The following EDIL3 variants were observed in gnomAD, a reference collection of about 807,000 sequenced individuals.
EDIL3 encodes EGF-like repeat and discoidin I-like domain-containing protein 3.
In EDIL3, 37 loss-of-function variants were observed where a neutral mutation model predicts 67.4. The ratio of observed to expected loss-of-function variants is 0.55; its 90% CI spans 0.42 to 0.72. The LOEUF (loss-of-function observed/expected upper bound fraction) is 0.72. Ranked by LOEUF, EDIL3 falls within the 30% of genes least tolerant of loss-of-function variation. The pLI, the probability that EDIL3 is intolerant of heterozygous loss-of-function variation, is 0.00. For missense variants in EDIL3, 527 were observed against 586.3 expected (o/e 0.90, Z 1.04); for synonymous variants, 195 against 196.3 (o/e 0.99, Z 0.05).
chr5:83,940,864 G>T lies in EDIL3; in HGVS notation c.*2555C>A, dbSNP rs1350969812. On this transcript the variant is annotated 3_prime_UTR_variant, in exon 11 of 11. Transcript: ENST00000296591. ...CAAAATTCACACCAAACTTTATGAAGTCATTCAGAAAGAGAAAGTCAATCC... is the reference window on the plus strand; with the variant it reads ...CAAAATTCACACCAAACTTTATGAATTCATTCAGAAAGAGAAAGTCAATCC... 6.6e-6 allele frequency: 1 copy of T among 151,930 alleles called. No individual in the cohort carries two copies. The highest frequency in any genetic ancestry group is 1.5e-5 in the Non-Finnish European group (1 of 67,882). 9.4% of individuals were successfully genotyped at this position (151,930 alleles called of 1,614,324 possible). A position where few individuals can be genotyped will look rare whatever the true frequency, so the allele number is the denominator to read the frequency against.
At chr5:84,159,195 AG>A (rs1307117483) in intron 4 of EDIL3, among the ~76,000 whole-genome samples, 4 of 152,102 alleles carry the variant, frequency 2.6e-5, no homozygotes, top group Admixed American at 2.0e-4. Context: ...AAAAGTTAAA[AG>A]GCAATATCTA....
chr5:84,201,867 G>A (rs1289539625), intron 3 of EDIL3, among the ~76,000 whole-genome samples: 2 of 152,108 alleles, frequency 1.3e-5, no homozygotes. Flanking sequence ...AAAAGAGAGA[G>A]TGCACTTCAT....
chr5:84,180,300 A>C (rs1748992137), intron 4 of EDIL3, 93 bp downstream of exon 4: 1 of 1,393,242 alleles, frequency 7.2e-7, no homozygotes, highest in Non-Finnish European at 9.5e-7. Context: ...TTCTGCTCTC[A>C]GATTCTATGA....
chr5:83,968,273 T>A (rs940595648), intron 9 of EDIL3, among the ~76,000 whole-genome samples: 9 of 152,092 alleles, frequency 5.9e-5, no homozygotes, highest in African/African-American at 2.2e-4. Context: ...CTAGTTCTGA[T>A]CTAAAGTTTG....
chr5:84,245,266 A>C (rs1744886125), intron 2 of EDIL3, among the ~76,000 whole-genome samples: 1 of 152,192 alleles, frequency 6.6e-6, no homozygotes, highest in Non-Finnish European at 1.5e-5. Context: ...TTATTTAAAA[A>C]ATATATTTGA....
chr5:84,081,601 A>T (rs1746969017), intron 6 of EDIL3, among the ~76,000 whole-genome samples: 1 of 152,138 alleles, frequency 6.6e-6, no homozygotes, highest in African/African-American at 2.4e-5. Flanking sequence ...TGTGCTATGA[A>T]GGGGAGAGGG....
At chr5:84,309,655 C>T (rs1008609309) in intron 1 of EDIL3, among the ~76,000 whole-genome samples, 1 of 152,098 alleles carries the variant, frequency 6.6e-6, no homozygotes, top group Non-Finnish European at 1.5e-5. Flanking sequence ...CATCCATGTC[C>T]CTACAAAGGA....
intron 1 of EDIL3, among the ~76,000 whole-genome samples, chr5:84,290,295 T>C (rs1224840658): frequency 4.6e-5 from 7 of 152,264 alleles, no homozygotes; most frequent in East Asian, 1.9e-4. Context: ...CTGAGAGCTC[T>C]TTTACAACCA....
intron 5 of EDIL3, among the ~76,000 whole-genome samples, chr5:84,134,913 T>C (rs1475846207): frequency 6.6e-6 from 1 of 152,174 alleles, no homozygotes; most frequent in Non-Finnish European, 1.5e-5. Flanking sequence ...AATTTAAATA[T>C]AAATGTTGTA....
chr5:84,050,197 C>CAAA (rs11335643), intron 9 of EDIL3, among the ~76,000 whole-genome samples: 52 of 60,818 alleles, frequency 8.6e-4, no homozygotes, highest in East Asian at 2.4e-3. Context: ...AACTCCATCT[C>CAAA]AAAAAAAAAA....
At chr5:84,166,707 T>C (rs1748710320) in intron 4 of EDIL3, among the ~76,000 whole-genome samples, 1 of 151,904 alleles carries the variant, frequency 6.6e-6, no homozygotes, top group African/African-American at 2.4e-5. Context: ...AAAGAGATGG[T>C]GGAGGAAGAT....
chr5:84,316,854 T>C (rs1746524860), intron 1 of EDIL3, among the ~76,000 whole-genome samples: 1 of 152,078 alleles, frequency 6.6e-6, no homozygotes, highest in African/African-American at 2.4e-5. Flanking sequence ...GACCACATAA[T>C]TGGAAACAAA....
intron 1 of EDIL3, among the ~76,000 whole-genome samples, chr5:84,312,554 G>C (rs1017380490): frequency 2.1e-5 from 3 of 141,062 alleles, no homozygotes; most frequent in East Asian, 2.1e-4. Context: ...CTGGCCTGGC[G>C]GGGGGCTGAC....
chr5:84,016,532 T>C (rs892573815), intron 9 of EDIL3, among the ~76,000 whole-genome samples: 34 of 152,150 alleles, frequency 2.2e-4, no homozygotes, highest in African/African-American at 6.8e-4. Context: ...TGCTCCAAAA[T>C]AACAACTTTT....
chr5:84,128,571 G>GT (rs1225371838), intron 5 of EDIL3, among the ~76,000 whole-genome samples: 10 of 151,898 alleles, frequency 6.6e-5, no homozygotes, highest in African/African-American at 9.7e-5. Flanking sequence ...GTTTTTTTGT[G>GT]TTTTTTGTTT....
intron 3 of EDIL3, among the ~76,000 whole-genome samples, chr5:84,224,932 A>C (rs1440644297): frequency 6.6e-6 from 1 of 151,576 alleles, no homozygotes; most frequent in South Asian, 2.1e-4. Flanking sequence ...AAAAATGTGA[A>C]TCTCATTAGT....
chr5:84,299,154 G>T (rs1746105871), intron 1 of EDIL3, among the ~76,000 whole-genome samples: 1 of 152,108 alleles, frequency 6.6e-6, no homozygotes, highest in Non-Finnish European at 1.5e-5. Flanking sequence ...ACACCACGAG[G>T]ACAGGTATAA....
At chr5:84,157,105 G>GT (rs759372056) in intron 4 of EDIL3, among the ~76,000 whole-genome samples, 290 of 152,032 alleles carry the variant, frequency 1.9e-3, no homozygotes, top group African/African-American at 5.3e-3. Context: ...CTCTAAGGAT[G>GT]TTTTTTTACC....
intron 3 of EDIL3, among the ~76,000 whole-genome samples, chr5:84,208,019 A>T (rs1381451531): frequency 2.6e-5 from 4 of 150,984 alleles, no homozygotes; most frequent in Admixed American, 2.6e-4. Context: ...ACCAAAAGCA[A>T]TGGCAACAAA....
Sources: gnomAD v4.1 joint callset for allele counts (sites outside exome capture counted in the v4.1 genomes callset) on GRCh38, gnomAD v4.1.1 for gene constraint, MANE v1.5 for transcripts, NCBI Gene and HGNC (gene_info 2026-07-23, HGNC 2026-07-21) for gene names.